The following PAH variants were observed in gnomAD, a reference collection of about 807,000 sequenced individuals.
The protein encoded by PAH is phenylalanine hydroxylase, also known as phenylalanine-4-hydroxylase.
PAH carries 64 observed loss-of-function variants against 62.0 expected under a neutral mutation model. The ratio of observed to expected loss-of-function variants is 1.03; its 90% CI spans 0.84 to 1.27. PAH has a LOEUF of 1.27. Ranked by LOEUF, PAH falls within the 50% of genes most tolerant of loss-of-function variation. The pLI, the probability that PAH is intolerant of heterozygous loss-of-function variation, is 0.00. For synonymous variants in PAH, 195 were observed against 196.2 expected (o/e 0.99, Z 0.05); for missense variants, 579 against 542.8 (o/e 1.07, Z -0.66).
intron 2 of PAH, among the ~76,000 whole-genome samples, chr12:102,902,458 T>A (rs1019022630): frequency 2.6e-5 from 4 of 152,130 alleles, no homozygotes; most frequent in Non-Finnish European, 5.9e-5. Context: ...TAGACTGTAG[T>A]GGGACAAGAC....
rs180785168 is a variant in PAH, at chr12:102,867,983, A to G, written c.442-1320T>C. Reference sequence around the variant, plus strand: ...GATGTATATATACATGTATATATAGATGTATATTACATGTATATATGTATA... The same window carrying G: ...GATGTATATATACATGTATATATAGGTGTATATTACATGTATATATGTATA... On this transcript the variant is annotated intron_variant, in intron 4 of 12. Coordinates refer to ENST00000553106, the MANE Select transcript of PAH (RefSeq NM_000277.3). Among the ~76,000 whole-genome samples, 27 of 123,802 alleles carry G rather than the reference A, an allele frequency of 2.2e-4. 3 individuals are homozygous for G. The highest frequency in any genetic ancestry group is 2.9e-4 in the Admixed American group (3 of 10,410). The allele number at this position is 123,802 out of a possible 152,430, so 81.2% of individuals were successfully genotyped here. A position where few individuals can be genotyped will look rare whatever the true frequency, so the allele number is the denominator to read the frequency against.
chr12:102,952,595 T>C (rs944905613), upstream of PAH, among the ~76,000 whole-genome samples: 12 of 151,990 alleles, frequency 7.9e-5, no homozygotes, highest in African/African-American at 2.7e-4. Context: ...ATAATGTAAA[T>C]GGGGCTTTAG....
At chr12:102,896,992 C>T (rs996785937) in intron 2 of PAH, among the ~76,000 whole-genome samples, 1 of 152,176 alleles carries the variant, frequency 6.6e-6, no homozygotes, top group Non-Finnish European at 1.5e-5. Context: ...AACCAATACC[C>T]TAGTGATGGG....
intron 3 of PAH, among the ~76,000 whole-genome samples, chr12:102,878,662 G>GAAAGA (rs779576992): frequency 6.6e-5 from 10 of 151,618 alleles, no homozygotes; most frequent in Non-Finnish European, 1.2e-4. Context: ...GGAAGAAAAG[G>GAAAGA]AAAGAAAGGA....
intron 1 of PAH, among the ~76,000 whole-genome samples, chr12:102,937,243 A>G (rs562151232): frequency 1.3e-5 from 2 of 152,144 alleles, no homozygotes; most frequent in Non-Finnish European, 2.9e-5. Context: ...AGTTTAGTCC[A>G]TTTATATTCA....
chr12:102,875,816 T>C (rs189311659), intron 4 of PAH, among the ~76,000 whole-genome samples: 194 of 152,238 alleles, frequency 1.3e-3, no homozygotes, highest in Non-Finnish European at 2.3e-3. Context: ...TGAAAATACA[T>C]AGGTGAGACT....
rs181978459 is a variant in PAH, at chr12:102,861,459, G to T, written c.509+5137C>A. Among the ~76,000 whole-genome samples the T allele has an allele frequency of 1.4e-3, 209 of 152,272 alleles. 1 individual carries two copies. The highest frequency in any genetic ancestry group is 4.6e-3 in the African/African-American group (193 of 41,556). On this transcript the variant is annotated intron_variant, in intron 5 of 12. Coordinates refer to ENST00000553106, the MANE Select transcript of PAH (RefSeq NM_000277.3). ...GGATCTATAACTAGAACTACCATTT[G>T]ACACAGCCATCCCATTACTGGGTAT...
rs540947575 is a variant in PAH, at chr12:102,903,634, C to T, written c.169-8716G>A. Among the ~76,000 whole-genome samples the T allele has an allele frequency of 3.9e-5, 6 of 152,192 alleles. 1 individual carries two copies. Among genetic ancestry groups the T allele is most frequent in the African/African-American group, 1.2e-4 (5 of 41,520 alleles). On this transcript the variant is annotated intron_variant, in intron 2 of 12. Coordinates refer to ENST00000553106, the MANE Select transcript of PAH (RefSeq NM_000277.3). The stretch of plus-strand genomic sequence containing the variant: ...ATGACTAATAGATACTGTGCCTTTC[C>T]CATTTGCTTCCAAAAGGTCTGTCTA...
intron 1 of PAH, among the ~76,000 whole-genome samples, chr12:102,928,312 T>A (rs1878744725): frequency 6.6e-6 from 1 of 152,174 alleles, no homozygotes; most frequent in African/African-American, 2.4e-5. Context: ...AACAATCCAA[T>A]TATACTTTTA....
At chr12:102,901,597 TTAA>T (rs1329206158) in intron 2 of PAH, among the ~76,000 whole-genome samples, 4 of 151,526 alleles carry the variant, frequency 2.6e-5, no homozygotes, top group Non-Finnish European at 4.4e-5. Flanking sequence ...GCTCTTTTTT[TTAA>T]TTTTTTTTTT....
chr12:102,947,084 T>C (rs1311000291), intron 1 of PAH, among the ~76,000 whole-genome samples: 1 of 152,146 alleles, frequency 6.6e-6, no homozygotes, highest in Non-Finnish European at 1.5e-5. Flanking sequence ...AGCAATGATA[T>C]AGTAATAGGG....
At chr12:102,853,981 A>C (rs1466672172) in intron 6 of PAH, among the ~76,000 whole-genome samples, 2 of 152,152 alleles carry the variant, frequency 1.3e-5, no homozygotes, top group African/African-American at 4.8e-5. Flanking sequence ...CTTAATTACT[A>C]TTATGTAGCT....
chr12:102,837,141 G>A lies in PAH; in HGVS notation c.*2034C>T, dbSNP rs564055214. 6.6e-6 allele frequency: 1 copy of A among 152,246 alleles called. No individual in the cohort carries two copies. Among genetic ancestry groups the A allele is most frequent in the South Asian group, 2.1e-4 (1 of 4,820 alleles). 9.4% of individuals were successfully genotyped at this position (152,246 alleles called of 1,614,324 possible). A position where few individuals can be genotyped will look rare whatever the true frequency, so the allele number is the denominator to read the frequency against. ...AAACAAATAAAAACACTTACATATT[G>A]GAAATTTATTAAATCCCATAGCTAT... On this transcript the variant is annotated 3_prime_UTR_variant, in exon 13 of 13. Transcript: ENST00000553106.
At chr12:102,899,208 T>C (rs1457734698) in intron 2 of PAH, among the ~76,000 whole-genome samples, 2 of 152,156 alleles carry the variant, frequency 1.3e-5, no homozygotes, top group Admixed American at 1.3e-4. Context: ...CTGCCTTATG[T>C]AGAGCTGAGA....
intron 3 of PAH, among the ~76,000 whole-genome samples, chr12:102,891,726 T>C (rs1012166090): frequency 6.6e-6 from 1 of 152,128 alleles, no homozygotes; most frequent in Non-Finnish European, 1.5e-5. Context: ...ATCTGCACTC[T>C]TAACTCCCCC....
intron 5 of PAH, among the ~76,000 whole-genome samples, chr12:102,864,747 C>T (rs1349144079): frequency 1.4e-5 from 2 of 145,028 alleles, no homozygotes; most frequent in Non-Finnish European, 1.5e-5. Context: ...CAGTGAGTAT[C>T]GATTTTGGGG....
At chr12:102,951,861 C>T (rs1879772514), upstream of PAH, among the ~76,000 whole-genome samples, 1 of 146,860 alleles carries the variant, frequency 6.8e-6, no homozygotes, top group African/African-American at 2.5e-5. Flanking sequence ...TATCTTTATT[C>T]CTTCTCTTTC....
At chr12:102,876,049 T>C (rs1044042817) in intron 4 of PAH, among the ~76,000 whole-genome samples, 1 of 152,082 alleles carries the variant, frequency 6.6e-6, no homozygotes. Flanking sequence ...GATTTTTTTT[T>C]TTCTGTTTGG....
At chr12:102,927,067 A>G (rs1241139602) in intron 1 of PAH, among the ~76,000 whole-genome samples, 1 of 152,112 alleles carries the variant, frequency 6.6e-6, no homozygotes, top group Admixed American at 6.6e-5. Context: ...CAGAGGACAG[A>G]GCAACAATGT....
Sources: allele counts gnomAD v4.1 joint callset (sites outside exome capture counted in the v4.1 genomes callset), GRCh38; gene constraint gnomAD v4.1.1; transcripts MANE v1.5; gene names NCBI Gene and HGNC (gene_info 2026-07-23, HGNC 2026-07-21).